The following SLC1A2 variants were observed in gnomAD, a reference collection of about 807,000 sequenced individuals.
The protein encoded by SLC1A2 is excitatory amino acid transporter 2.
A neutral mutation model predicts 48.8 loss-of-function variants in SLC1A2; 15 were observed. The observed-to-expected ratio is 0.31, with a 90% confidence interval of 0.21 to 0.47. The LOEUF (loss-of-function observed/expected upper bound fraction) is 0.47. SLC1A2 is among the 20% of genes least tolerant of loss of function. The pLI is 0.99. For missense variants in SLC1A2, 502 were observed against 730.5 expected (o/e 0.69, Z 3.61); for synonymous variants, 279 against 272.6 (o/e 1.02, Z -0.23).
intron 1 of SLC1A2, among the ~76,000 whole-genome samples, chr11:35,415,084 C>T (rs2135306615): frequency 6.6e-6 from 1 of 152,334 alleles, no homozygotes; most frequent in South Asian, 2.1e-4. Context: ...TTATGGCACA[C>T]TGACCCAGAA....
rs1213084635 is a variant in SLC1A2 at position 35,311,897 on chromosome 11, G to GGAGA, written c.561+297_561+300dup. ...GAGAGAGAGAGAGAGAGAGAGGGAG[G>GGAGA]GAGAGAGAGAGAGAGAGAGAGAGAG... On this transcript the variant is annotated intron_variant, in intron 4 of 10. Coordinates refer to ENST00000278379, the MANE Select transcript of SLC1A2 (RefSeq NM_004171.4). 8.6e-4 allele frequency among the ~76,000 whole-genome samples: 22 copies of GGAGA among 25,718 alleles called. 4 individuals are homozygous for GGAGA. Among genetic ancestry groups the GGAGA allele is most frequent in the African/African-American group, 3.0e-3 (21 of 7,064 alleles). 16.9% of individuals were successfully genotyped at this position (25,718 alleles called of 152,430 possible). A position where few individuals can be genotyped will look rare whatever the true frequency, so the allele number is the denominator to read the frequency against.
chr11:35,305,055 T>G (rs188989681), intron 5 of SLC1A2, among the ~76,000 whole-genome samples: 1 of 152,280 alleles, frequency 6.6e-6, no homozygotes, highest in East Asian at 1.9e-4. Flanking sequence ...ACATACTTCA[T>G]CCATCCAGAT....
intron 1 of SLC1A2, among the ~76,000 whole-genome samples, chr11:35,348,687 T>C (rs544924135): frequency 6.7e-6 from 1 of 149,952 alleles, no homozygotes; most frequent in Admixed American, 6.6e-5. Flanking sequence ...ATGTCAGGAG[T>C]TACAGACCAG....
Position 35,374,363 on chromosome 11 carries a change from G to A in SLC1A2, c.17+44587C>T, listed in dbSNP as rs956604326. ...AGCAGAATTTAAATAGCGATGTGTT[G>A]TTGGAGAATTACAGAGACCTGGCCT... On this transcript the variant is annotated intron_variant, in intron 1 of 10. Coordinates refer to ENST00000278379, the MANE Select transcript of SLC1A2 (RefSeq NM_004171.4). The A allele has an allele frequency of 1.6e-5, 13 of 829,446 alleles. No homozygotes were observed. In the Admixed American group the frequency reaches 2.4e-4, roughly 16 times the overall value. The allele number at this position is 829,446 out of a possible 1,614,324, so 51.4% of individuals were successfully genotyped here.
At chr11:35,357,657 A>G (rs1156692943) in intron 1 of SLC1A2, among the ~76,000 whole-genome samples, 2 of 152,240 alleles carry the variant, frequency 1.3e-5, no homozygotes, top group Non-Finnish European at 2.9e-5. Context: ...TAACAGAGCC[A>G]TTAAAAGACA....
At chr11:35,365,712 G>A (rs1231246990) in intron 1 of SLC1A2, among the ~76,000 whole-genome samples, 1 of 152,110 alleles carries the variant, frequency 6.6e-6, no homozygotes, top group Non-Finnish European at 1.5e-5. Context: ...GTTACCCAGG[G>A]TGGACTGGCC....
intron 1 of SLC1A2, chr11:35,323,178 T>A (rs1239219328): frequency 1.7e-5 from 4 of 230,778 alleles, no homozygotes; most frequent in African/African-American, 4.7e-5. Context: ...AAACCTCTTT[T>A]CTATAGCTTC....
intron 9 of SLC1A2, among the ~76,000 whole-genome samples, chr11:35,279,122 C>T (rs1850539182): frequency 6.6e-6 from 1 of 152,224 alleles, no homozygotes; most frequent in African/African-American, 2.4e-5. Flanking sequence ...AGTGTGGGCA[C>T]TTTGGCCTTG....
intron 1 of SLC1A2, among the ~76,000 whole-genome samples, chr11:35,377,684 C>T (rs551782344): frequency 6.6e-6 from 1 of 152,150 alleles, no homozygotes; most frequent in Non-Finnish European, 1.5e-5. Flanking sequence ...AAGAAAGGAA[C>T]CTCCCAACAA....
chr11:35,308,348 C>T (rs775328958), intron 4 of SLC1A2, among the ~76,000 whole-genome samples: 6 of 152,176 alleles, frequency 3.9e-5, no homozygotes, highest in Non-Finnish European at 8.8e-5. Context: ...GATAGGAACA[C>T]GAACGCAGGC....
chr11:35,408,667 T>A (rs1373663290), intron 1 of SLC1A2, among the ~76,000 whole-genome samples: 1 of 152,222 alleles, frequency 6.6e-6, no homozygotes, highest in Non-Finnish European at 1.5e-5. Flanking sequence ...CATGTTTTTG[T>A]GTGATGGGGA....
intron 3 of SLC1A2, among the ~76,000 whole-genome samples, chr11:35,312,844 A>G (rs145755861): frequency 6.6e-6 from 1 of 152,174 alleles, no homozygotes; most frequent in Non-Finnish European, 1.5e-5. Flanking sequence ...CAATCTGCAC[A>G]TGTGGGACTC....
intron 1 of SLC1A2, among the ~76,000 whole-genome samples, chr11:35,409,413 T>A (rs999303531): frequency 6.6e-6 from 1 of 152,200 alleles, no homozygotes; most frequent in Non-Finnish European, 1.5e-5. Context: ...GTTCCCAATA[T>A]ATTTATTTAT....
At chr11:35,269,417 C>T (rs1412967171) in intron 9 of SLC1A2, among the ~76,000 whole-genome samples, 1 of 152,196 alleles carries the variant, frequency 6.6e-6, no homozygotes, top group Non-Finnish European at 1.5e-5. Flanking sequence ...AAGACAAATT[C>T]AGTTCCTAGC....
At chr11:35,270,614 A>G (rs1322390915) in intron 9 of SLC1A2, among the ~76,000 whole-genome samples, 2 of 152,232 alleles carry the variant, frequency 1.3e-5, no homozygotes, top group Non-Finnish European at 2.9e-5. Flanking sequence ...CTCCTCCACT[A>G]GAGTGAGATA....
chr11:35,346,211 C>T (rs1853027357), intron 1 of SLC1A2, among the ~76,000 whole-genome samples: 2 of 152,142 alleles, frequency 1.3e-5, no homozygotes, highest in South Asian at 2.1e-4. Flanking sequence ...TCCCCTAGAC[C>T]CATGTTCTTA....
At chr11:35,359,986 T>G in intron 1 of SLC1A2, 1 of 508,416 alleles carries the variant, frequency 2.0e-6, no homozygotes, top group Non-Finnish European at 2.5e-6. Flanking sequence ...TGCAAACTGA[T>G]TCCTCCCTTC....
intron 10 of SLC1A2, chr11:35,261,829 G>T: frequency 2.5e-6 from 1 of 397,974 alleles, no homozygotes; most frequent in Non-Finnish European, 4.4e-6. Context: ...CCAAGTGGAA[G>T]TGAAATGCAT....
In SLC1A2 at chr11:35,286,926, G is replaced by A. The variant is rs765605138; in HGVS notation, c.1117C>T (p.Arg373Cys). ...SSAGTLPVTFRCLEENLGIDK... is the reference protein window; with the variant it reads ...SSAGTLPVTFCCLEENLGIDK... ...ATCCCCAGATTTTCTTCCAGGCAAC[G>A]AAAGGTGACAGGCAAAGTTCCAGCA... Residue 373 changes from arginine to cysteine, a missense_variant, in exon 8 of 11, where the codon CGT (arginine) becomes TGT (cysteine). By Grantham distance (180) the Arg-to-Cys change is radical (BLOSUM62 -3). Coordinates refer to ENST00000278379, the MANE Select transcript of SLC1A2 (RefSeq NM_004171.4). 5.0e-6 allele frequency: 8 copies of A among 1,614,006 alleles called. No individual in the cohort carries two copies. The highest frequency in any genetic ancestry group is 1.7e-5 in the Admixed American group (1 of 60,024).
Sources: gnomAD v4.1 joint callset for allele counts (sites outside exome capture counted in the v4.1 genomes callset) on GRCh38, gnomAD v4.1.1 for gene constraint, MANE v1.5 for transcripts, NCBI Gene and HGNC (gene_info 2026-07-23, HGNC 2026-07-21) for gene names.